The following ADAMTS12 variants were observed in gnomAD, a reference collection of about 807,000 sequenced individuals.
ADAMTS12 encodes the protein A disintegrin and metalloproteinase with thrombospondin motifs 12.
A neutral mutation model predicts 167.8 loss-of-function variants in ADAMTS12; 118 were observed. The ratio of observed to expected loss-of-function variants is 0.70; its 90% CI spans 0.61 to 0.82. The LOEUF (loss-of-function observed/expected upper bound fraction) is 0.82. Among genes scored for constraint, ADAMTS12 ranks in the 40% least tolerant of loss-of-function variants. The probability of loss-of-function intolerance (pLI) is 0.00; values close to 1 mark genes in which losing one functional copy is unlikely to be tolerated. For synonymous variants in ADAMTS12, 704 were observed against 716.9 expected (o/e 0.98, Z 0.29); for missense variants, 1,916 against 1,998.8 (o/e 0.96, Z 0.79).
intron 2 of ADAMTS12, among the ~76,000 whole-genome samples, chr5:33,798,685 C>T (rs893027942): frequency 6.6e-6 from 1 of 152,078 alleles, no homozygotes; most frequent in African/African-American, 2.4e-5. Flanking sequence ...GGTGATCTGC[C>T]TGCTTCGTCC....
At chr5:33,724,383 A>T (rs114971927) in intron 3 of ADAMTS12, among the ~76,000 whole-genome samples, 3,867 of 152,000 alleles carry the variant, frequency 0.025, 151 homozygotes, top group African/African-American at 0.089. Context: ...CCTTTATTTA[A>T]TTATGCTAAA....
chr5:33,747,406 A>T (rs1744829094), intron 3 of ADAMTS12, among the ~76,000 whole-genome samples: 1 of 151,390 alleles, frequency 6.6e-6, no homozygotes, highest in African/African-American at 2.5e-5. Flanking sequence ...TGTAAAAGTG[A>T]GAATGCCAAG....
intron 1 of ADAMTS12, among the ~76,000 whole-genome samples, chr5:33,890,088 AATC>A (rs1750789344): frequency 6.6e-6 from 1 of 152,194 alleles, no homozygotes. Flanking sequence ...TAGGGAAAAT[AATC>A]ATATCTCACT....
At chr5:33,823,008 T>C (rs925530996) in intron 2 of ADAMTS12, among the ~76,000 whole-genome samples, 2 of 151,250 alleles carry the variant, frequency 1.3e-5, no homozygotes, top group African/African-American at 4.9e-5. Flanking sequence ...GGAGGATCCT[T>C]GGAGCCCGGC....
Position 33,684,104 on chromosome 5 carries a change from T to C in ADAMTS12, c.635-49A>G, listed in dbSNP as rs368700174. ...GGTCTAACACTGTATATGTCTCATA[T>C]ATTATCTACTTATGTTAGTAAAGAT... On this transcript the variant is annotated intron_variant, in intron 3 of 23. Transcript: ENST00000504830. 5 of 1,274,632 alleles carry C rather than the reference T, an allele frequency of 3.9e-6. No individual in the cohort carries two copies. The East Asian group carries it at 1.1e-4, about 28-fold the overall frequency. The allele number at this position is 1,274,632 out of a possible 1,614,324, so 79.0% of individuals were successfully genotyped here.
chr5:33,846,341 C>T (rs1204737766), intron 2 of ADAMTS12, among the ~76,000 whole-genome samples: 2 of 152,194 alleles, frequency 1.3e-5, no homozygotes, highest in African/African-American at 2.4e-5. Context: ...AAACAGCCAC[C>T]TAAACATCAG....
intron 9 of ADAMTS12, among the ~76,000 whole-genome samples, chr5:33,643,849 C>T (rs774692567): frequency 6.6e-6 from 1 of 152,210 alleles, no homozygotes; most frequent in Non-Finnish European, 1.5e-5. Context: ...TGATTACTAA[C>T]AGTTGGGGGT....
chr5:33,646,395 T>C (rs969246895), intron 9 of ADAMTS12, among the ~76,000 whole-genome samples: 3 of 152,122 alleles, frequency 2.0e-5, no homozygotes, highest in African/African-American at 7.2e-5. Flanking sequence ...GTAGGGCCTA[T>C]GTAAGGTAGG....
At chr5:33,597,660 A>G (rs1364344653) in intron 16 of ADAMTS12, among the ~76,000 whole-genome samples, 1 of 148,990 alleles carries the variant, frequency 6.7e-6, no homozygotes. Context: ...CAAAACAGTA[A>G]GTAAATCCTT....
At chr5:33,762,770 T>C (rs1171202300) in intron 2 of ADAMTS12, among the ~76,000 whole-genome samples, 1 of 152,220 alleles carries the variant, frequency 6.6e-6, no homozygotes, top group Non-Finnish European at 1.5e-5. Context: ...CAGTAAACTA[T>C]TCATTGTTCT....
chr5:33,603,175 A>G lies in ADAMTS12; in HGVS notation c.2528-7115T>C, dbSNP rs571152737. 1.8e-3 allele frequency among the ~76,000 whole-genome samples: 278 copies of G among 152,316 alleles called. 1 individual carries two copies. The highest frequency in any genetic ancestry group is 6.5e-3 in the African/African-American group (271 of 41,576). Reference sequence around the variant, plus strand: ...CAGCAGTAGGGCCATTCCAGGACACAGGAAATTTTGGTTAGACGCTATTAT... The same window carrying G: ...CAGCAGTAGGGCCATTCCAGGACACGGGAAATTTTGGTTAGACGCTATTAT... On this transcript the variant is annotated intron_variant, in intron 16 of 23. Coordinates refer to ENST00000504830, the MANE Select transcript of ADAMTS12 (RefSeq NM_030955.4).
chr5:33,639,005 G>A (rs2112166334), intron 11 of ADAMTS12, among the ~76,000 whole-genome samples: 1 of 152,228 alleles, frequency 6.6e-6, no homozygotes, highest in South Asian at 2.1e-4. Flanking sequence ...TCGCAGGAGT[G>A]CCAATAGCCT....
At position 33,783,715 on chromosome 5, in the gene ADAMTS12, T is replaced by TA. The variant is rs202228337; in HGVS notation, c.490-32168dup. Among the ~76,000 whole-genome samples, 306 of 151,984 alleles carry TA rather than the reference T, an allele frequency of 2.0e-3. 5 individuals carry two copies. The highest frequency in any genetic ancestry group is 5.6e-3 in the African/African-American group (231 of 41,548). On this transcript the variant is annotated intron_variant, in intron 2 of 23. Coordinates refer to ENST00000504830, the MANE Select transcript of ADAMTS12 (RefSeq NM_030955.4). The stretch of plus-strand genomic sequence containing the variant: ...CAGGTTAAAAAACCAAATCAGTAAT[T>TA]AAAAAATCTTACCATGAAGAAAAAC...
chr5:33,826,586 GTA>G (rs10594169), intron 2 of ADAMTS12, among the ~76,000 whole-genome samples: 25 of 149,564 alleles, frequency 1.7e-4, no homozygotes, highest in Admixed American at 4.0e-4. Context: ...GTGTGTGTGT[GTA>G]TATATATATA....
At chr5:33,792,536 T>C (rs1052774487) in intron 2 of ADAMTS12, among the ~76,000 whole-genome samples, 1 of 152,194 alleles carries the variant, frequency 6.6e-6, no homozygotes, top group East Asian at 1.9e-4. Flanking sequence ...GTGGGCTTAT[T>C]ATACTTTTTA....
At chr5:33,621,297 G>A (rs2112113199) in intron 14 of ADAMTS12, among the ~76,000 whole-genome samples, 1 of 151,860 alleles carries the variant, frequency 6.6e-6, no homozygotes, top group South Asian at 2.1e-4. Flanking sequence ...CTACCAGGGA[G>A]GCTGAGGCAG....
At chr5:33,745,046 G>A (rs1744731325) in intron 3 of ADAMTS12, among the ~76,000 whole-genome samples, 1 of 152,164 alleles carries the variant, frequency 6.6e-6, no homozygotes, top group African/African-American at 2.4e-5. Flanking sequence ...TTGAACTCCT[G>A]GGGTCAGGTG....
rs1011348605 is a variant in ADAMTS12, at chr5:33,778,324, A to C, written c.490-26776T>G. Among the ~76,000 whole-genome samples, 3 of 152,184 alleles carry C rather than the reference A, an allele frequency of 2.0e-5. No homozygotes were observed. In the South Asian group the frequency reaches 6.2e-4, roughly 31 times the overall value. ...CAGAGTACTGGCATTAAAAAAGGACACAAGGACTAATGAAACAAATAGAGA... is the reference window on the plus strand; with the variant it reads ...CAGAGTACTGGCATTAAAAAAGGACCCAAGGACTAATGAAACAAATAGAGA... On this transcript the variant is annotated intron_variant, in intron 2 of 23. Transcript: ENST00000504830.
intron 2 of ADAMTS12, among the ~76,000 whole-genome samples, chr5:33,878,013 A>G (rs193004112): frequency 6.6e-6 from 1 of 152,308 alleles, no homozygotes; most frequent in Non-Finnish European, 1.5e-5. Context: ...CTAAAAGTGG[A>G]GAAGGGCTTA....
Sources: allele counts gnomAD v4.1 joint callset (sites outside exome capture counted in the v4.1 genomes callset), GRCh38; gene constraint gnomAD v4.1.1; transcripts MANE v1.5; gene names NCBI Gene and HGNC (gene_info 2026-07-23, HGNC 2026-07-21).